TPRG1: variants seen among roughly 807,000 people sequenced by gnomAD.
TPRG1 encodes tumor protein p63 regulated 1, also known as tumor protein p63-regulated gene 1 protein.
Under a neutral mutation model 29.3 loss-of-function variants are expected in TPRG1, and 29 were observed. The observed-to-expected ratio is 0.99, with a 90% CI of 0.74 to 1.35. The LOEUF is 1.35. TPRG1 is among the 40% of genes most tolerant of loss of function. The pLI, the probability that TPRG1 is intolerant of heterozygous loss-of-function variation, is 0.00. For missense variants in TPRG1, 327 were observed against 335.0 expected (o/e 0.98, Z 0.19); for synonymous variants, 130 against 116.8 (o/e 1.11, Z -0.73).
chr3:189,056,677 T>C (rs1715718985), intron 4 of TPRG1, among the ~76,000 whole-genome samples: 1 of 152,174 alleles, frequency 6.6e-6, no homozygotes, highest in South Asian at 2.1e-4. Flanking sequence ...GTGCCTAGTA[T>C]AGGTTTTTGA....
intron 2 of TPRG1, chr3:189,127,246 A>G (rs529467693): frequency 6.6e-6 from 1 of 152,328 alleles, no homozygotes; most frequent in African/African-American, 2.4e-5. Context: ...GCAACCAAAA[A>G]GGAAAATTAT....
intron 5 of TPRG1, among the ~76,000 whole-genome samples, chr3:189,313,890 T>C (rs1172327347): frequency 6.6e-6 from 1 of 152,172 alleles, no homozygotes; most frequent in Non-Finnish European, 1.5e-5. Flanking sequence ...GGTTCTTAGA[T>C]AAAGAGTAAT....
chr3:189,274,220 C>T (rs1219987017), intron 4 of TPRG1, among the ~76,000 whole-genome samples: 1 of 152,000 alleles, frequency 6.6e-6, no homozygotes, highest in Non-Finnish European at 1.5e-5. Flanking sequence ...CTCCCACCTA[C>T]TTCAGCTAAG....
upstream of TPRG1, among the ~76,000 whole-genome samples, chr3:189,097,692 G>T (rs547066240): frequency 6.6e-6 from 1 of 152,194 alleles, no homozygotes; most frequent in East Asian, 1.9e-4. Flanking sequence ...CCTGATTTGG[G>T]TTCACTTCCT....
intron 1 of TPRG1, among the ~76,000 whole-genome samples, chr3:189,113,466 G>A (rs1357367161): frequency 6.6e-6 from 1 of 151,984 alleles, no homozygotes; most frequent in Non-Finnish European, 1.5e-5. Context: ...GTTTTCAAAG[G>A]GAATGCTTCC....
chr3:189,253,485 T>C (rs1742598648), intron 4 of TPRG1, among the ~76,000 whole-genome samples: 1 of 152,234 alleles, frequency 6.6e-6, no homozygotes, highest in Non-Finnish European at 1.5e-5. Context: ...CACATTTTCT[T>C]TAACCAGTCT....
intron 3 of TPRG1, among the ~76,000 whole-genome samples, chr3:189,219,193 T>A (rs1736549345): frequency 6.6e-6 from 1 of 152,224 alleles, no homozygotes. Flanking sequence ...AGTACTCAAA[T>A]TAATTCAGGT....
chr3:189,037,873 G>C (rs774441180), intron 4 of TPRG1, among the ~76,000 whole-genome samples: 5 of 150,730 alleles, frequency 3.3e-5, no homozygotes, highest in African/African-American at 7.3e-5. Flanking sequence ...CTATTAAGAA[G>C]TCTAAAGATT....
intron 3 of TPRG1, among the ~76,000 whole-genome samples, chr3:189,145,623 A>C (rs1269909207): frequency 1.3e-5 from 2 of 152,202 alleles, no homozygotes; most frequent in Non-Finnish European, 2.9e-5. Context: ...GAAGTGTGTC[A>C]ACAGCTAGTA....
chr3:189,149,254 G>A lies in TPRG1; in HGVS notation c.-226-1402G>A, dbSNP rs184784431. Among the ~76,000 whole-genome samples the A allele has an allele frequency of 4.9e-3, 744 of 152,248 alleles. 13 individuals are homozygous for A. Among genetic ancestry groups the A allele is most frequent in the Non-Finnish European group, 4.2e-3 (284 of 68,008 alleles). On this transcript the variant is annotated intron_variant, in intron 4 of 6. Transcript: ENST00000412373. ...CAGCCATCTCTGCAGTGTCTGTTAA[G>A]CATCACTGTATGCTGTCTAATGTAT...
intron 5 of TPRG1, among the ~76,000 whole-genome samples, chr3:189,158,229 A>G (rs900161899): frequency 6.6e-6 from 1 of 152,218 alleles, no homozygotes; most frequent in African/African-American, 2.4e-5. Context: ...TTAGTGCACC[A>G]CACAGTCCTG....
Position 189,265,906 on chromosome 3 carries a change from G to A in TPRG1, c.479+26997G>A, listed in dbSNP as rs140215567. ...CTTCTTCTACCAAGACAAGAGATGC[G>A]CAGTTCATCATTAGATGGGACTTTT... On this transcript the variant is annotated intron_variant, in intron 4 of 5. Transcript: ENST00000345063. Among the ~76,000 whole-genome samples, 7 of 152,242 alleles carry A rather than the reference G, an allele frequency of 4.6e-5. No individual in the cohort carries two copies. In the East Asian group the frequency reaches 5.8e-4, roughly 13 times the overall value.
chr3:189,017,050 T>A (rs1258953134), intron 3 of TPRG1, among the ~76,000 whole-genome samples: 1 of 152,134 alleles, frequency 6.6e-6, no homozygotes, highest in African/African-American at 2.4e-5. Context: ...GGTTCCATTC[T>A]CACTGTCTCT....
At chr3:189,132,900 C>T (rs1367199236) in intron 3 of TPRG1, among the ~76,000 whole-genome samples, 1 of 152,110 alleles carries the variant, frequency 6.6e-6, no homozygotes, top group Non-Finnish European at 1.5e-5. Flanking sequence ...TTTCCAGGCA[C>T]TGAGCTAAGT....
chr3:189,150,122 C>T (rs1243885800), intron 4 of TPRG1, among the ~76,000 whole-genome samples: 1 of 152,204 alleles, frequency 6.6e-6, no homozygotes, highest in Admixed American at 6.5e-5. Flanking sequence ...AAATGCAGTT[C>T]TGCTTACTAC....
chr3:189,214,962 A>ATTTTATATATATATATATATAT, intron 2 of TPRG1, among the ~76,000 whole-genome samples: 2 of 147,490 alleles, frequency 1.4e-5, no homozygotes, highest in African/African-American at 2.5e-5. Context: ...GGTTTAATTT[A>ATTTTATATATATATATATATAT]AAAATGTACA....
chr3:189,073,343 A>G (rs1340619850), intron 4 of TPRG1, among the ~76,000 whole-genome samples: 1 of 152,230 alleles, frequency 6.6e-6, no homozygotes, highest in Non-Finnish European at 1.5e-5. Context: ...TCCTGTTAAC[A>G]CAGACACATA....
intron 3 of TPRG1, among the ~76,000 whole-genome samples, chr3:189,228,360 A>G (rs1738111460): frequency 7.6e-6 from 1 of 131,728 alleles, no homozygotes; most frequent in Non-Finnish European, 1.6e-5. Flanking sequence ...CTGTAGATGC[A>G]AAAATTCTTA....
Position 189,024,328 on chromosome 3 carries a change from C to T in TPRG1, c.-463+382C>T, listed in dbSNP as rs758472306. Reference sequence around the variant, plus strand: ...CTGGGGAACCGCCTCTGCCCTGATTCGTTTGGACTCTCCAAAGCCTCTAGG... The same window carrying T: ...CTGGGGAACCGCCTCTGCCCTGATTTGTTTGGACTCTCCAAAGCCTCTAGG... On this transcript the variant is annotated intron_variant, in intron 4 of 10. Coordinates refer to the TPRG1 transcript ENST00000433971. 4.6e-5 allele frequency among the ~76,000 whole-genome samples: 7 copies of T among 152,080 alleles called. 1 individual carries two copies. The highest frequency in any genetic ancestry group is 4.6e-4 in the Admixed American group (7 of 15,282).
Sources: allele counts gnomAD v4.1 joint callset (sites outside exome capture counted in the v4.1 genomes callset), GRCh38; gene constraint gnomAD v4.1.1; transcripts MANE v1.5; gene names NCBI Gene and HGNC (gene_info 2026-07-23, HGNC 2026-07-21).